Variants in AUTS2 observed in about 807,000 individuals in gnomAD.
The protein encoded by AUTS2 is activator of transcription and developmental regulator AUTS2.
In AUTS2, 17 loss-of-function variants were observed where a neutral mutation model predicts 112.4. That is an observed-to-expected ratio of 0.15 (90% CI 0.10 to 0.23). The LOEUF is 0.23. Among genes scored for constraint, AUTS2 ranks in the 10% least tolerant of loss-of-function variants. The pLI is 1.00. For missense variants in AUTS2, 1,510 were observed against 1,701.6 expected (o/e 0.89, Z 1.98); for synonymous variants, 751 against 702.7 (o/e 1.07, Z -1.09).
chr7:69,885,621 A>G (rs1381291812), intron 1 of AUTS2, among the ~76,000 whole-genome samples: 1 of 152,236 alleles, frequency 6.6e-6, no homozygotes, highest in African/African-American at 2.4e-5. Context: ...CAGTGGAAGC[A>G]GGATTAGAGC....
intron 4 of AUTS2, among the ~76,000 whole-genome samples, chr7:70,174,384 G>A (rs540278389): frequency 6.6e-6 from 1 of 152,354 alleles, no homozygotes; most frequent in East Asian, 1.9e-4. Flanking sequence ...CTCTAGAACA[G>A]AAAACTGCAG....
chr7:70,575,262 A>T (rs1356156327), intron 5 of AUTS2, among the ~76,000 whole-genome samples: 1 of 151,956 alleles, frequency 6.6e-6, no homozygotes, highest in Non-Finnish European at 1.5e-5. Flanking sequence ...GCCAATGTCC[A>T]CTCGTTTCTG....
chr7:69,769,803 A>G (rs1788585400), intron 1 of AUTS2, among the ~76,000 whole-genome samples: 1 of 152,218 alleles, frequency 6.6e-6, no homozygotes, highest in Non-Finnish European at 1.5e-5. Flanking sequence ...TTGCATTAGG[A>G]GGGTCCAGTG....
intron 1 of AUTS2, among the ~76,000 whole-genome samples, chr7:69,828,425 A>G (rs762205631): frequency 4.6e-5 from 7 of 152,162 alleles, no homozygotes; most frequent in Non-Finnish European, 8.8e-5. Flanking sequence ...GGGGACAGCA[A>G]AGCTGTACAA....
chr7:70,253,232 A>T (rs1171910810), intron 4 of AUTS2, among the ~76,000 whole-genome samples: 1 of 151,914 alleles, frequency 6.6e-6, no homozygotes, highest in African/African-American at 2.4e-5. Context: ...TTTTGTATCT[A>T]CTCTGCCTTA....
intron 4 of AUTS2, among the ~76,000 whole-genome samples, chr7:70,236,516 A>G (rs568527161): frequency 2.6e-5 from 4 of 152,292 alleles, no homozygotes; most frequent in South Asian, 2.1e-4. Flanking sequence ...TCTTCCTCTT[A>G]TAATGTTCAT....
At chr7:69,683,880 C>T (rs539908480) in intron 1 of AUTS2, among the ~76,000 whole-genome samples, 105 of 152,296 alleles carry the variant, frequency 6.9e-4, no homozygotes, top group African/African-American at 2.3e-3. Context: ...CACTGCACTT[C>T]AGCCTGGGCA....
chr7:70,552,865 A>G (rs1305430560), intron 5 of AUTS2, among the ~76,000 whole-genome samples: 4 of 152,002 alleles, frequency 2.6e-5, no homozygotes, highest in Admixed American at 2.6e-4. Flanking sequence ...TAATGGAAAC[A>G]TGTGAATTTT....
intron 2 of AUTS2, among the ~76,000 whole-genome samples, chr7:70,055,147 A>T (rs1801935219): frequency 6.6e-6 from 1 of 152,160 alleles, no homozygotes; most frequent in African/African-American, 2.4e-5. Flanking sequence ...TTAAAAAAAA[A>T]TTCTAGGCTG....
intron 5 of AUTS2, chr7:70,436,194 C>CT (rs113135524): frequency 0.036 from 5,868 of 162,074 alleles, 392 homozygotes; most frequent in African/African-American, 0.13. Context: ...TTTTCTGTAC[C>CT]TATTGGCCTT....
intron 4 of AUTS2, among the ~76,000 whole-genome samples, chr7:70,136,544 G>A (rs369499519): frequency 9.9e-5 from 15 of 152,096 alleles, no homozygotes; most frequent in African/African-American, 3.6e-4. Context: ...GAAATGATAT[G>A]GGCACAACTT....
chr7:69,644,677 A>G (rs1794946229), intron 1 of AUTS2, among the ~76,000 whole-genome samples: 1 of 152,166 alleles, frequency 6.6e-6, no homozygotes. Flanking sequence ...AAAGAATACA[A>G]TGGTTATGTA....
intron 5 of AUTS2, among the ~76,000 whole-genome samples, chr7:70,499,798 C>T (rs756182140): frequency 6.6e-6 from 1 of 152,210 alleles, no homozygotes; most frequent in Non-Finnish European, 1.5e-5. Flanking sequence ...TGTTAGTTTA[C>T]AGCAAGGTAA....
chr7:69,602,612 T>C (rs1312038206), intron 1 of AUTS2, among the ~76,000 whole-genome samples: 1 of 152,134 alleles, frequency 6.6e-6, no homozygotes, highest in Non-Finnish European at 1.5e-5. Flanking sequence ...CCCTAAACCA[T>C]AATGACTCCA....
intron 5 of AUTS2, among the ~76,000 whole-genome samples, chr7:70,645,223 AG>A (rs1806088657): frequency 7.2e-5 from 1 of 13,892 alleles, no homozygotes. Context: ...CCGCCCCCTC[AG>A]CCCTCCCAAC....
chr7:70,130,805 C>T (rs1179901596), intron 3 of AUTS2, among the ~76,000 whole-genome samples: 1 of 152,142 alleles, frequency 6.6e-6, no homozygotes, highest in East Asian at 1.9e-4. Flanking sequence ...CCTGTGTTCT[C>T]ATGCAAACTG....
chr7:70,458,766 G>A (rs551279779), intron 5 of AUTS2, among the ~76,000 whole-genome samples: 1 of 152,212 alleles, frequency 6.6e-6, no homozygotes, highest in Admixed American at 6.5e-5. Context: ...TTCCTTGTCT[G>A]GTGGGAGCTT....
chr7:70,256,610 C>T (rs1462352187), intron 4 of AUTS2, among the ~76,000 whole-genome samples: 2 of 152,158 alleles, frequency 1.3e-5, no homozygotes, highest in African/African-American at 2.4e-5. Context: ...TATCTGCTTG[C>T]GTTCAGAAAA....
intron 4 of AUTS2, among the ~76,000 whole-genome samples, chr7:70,414,248 A>C (rs939260874): frequency 2.0e-5 from 3 of 152,130 alleles, no homozygotes; most frequent in African/African-American, 7.2e-5. Context: ...TTGGCCCATC[A>C]TGTAGAGTAA....
Sources: gnomAD v4.1 joint callset for allele counts (sites outside exome capture counted in the v4.1 genomes callset) on GRCh38, gnomAD v4.1.1 for gene constraint, MANE v1.5 for transcripts, NCBI Gene and HGNC (gene_info 2026-07-23, HGNC 2026-07-21) for gene names.